Variants in RHOT1 observed in about 807,000 individuals in gnomAD.
RHOT1 encodes the protein ras homolog family member T1, also known as mitochondrial Rho GTPase 1.
In RHOT1, 27 loss-of-function variants were observed where a neutral mutation model predicts 95.3. The observed-to-expected ratio is 0.28, with a 90% CI of 0.21 to 0.39. The LOEUF is 0.39. Among genes scored for constraint, RHOT1 ranks in the 10% least tolerant of loss-of-function variants. RHOT1 has a pLI of 1.00. For missense variants in RHOT1, 578 were observed against 786.7 expected, an observed-to-expected ratio of 0.73 and a Z score of 3.17; for synonymous variants, 227 against 263.5, an observed-to-expected ratio of 0.86 and a Z score of 1.34.
chr17:32,204,751 GCTGAGTCAGGTGGATCAC>G (rs2037583550), intron 16 of RHOT1, among the ~76,000 whole-genome samples: 1 of 151,954 alleles, frequency 6.6e-6, no homozygotes, highest in Non-Finnish European at 1.5e-5. Flanking sequence ...ACTTTGGGAG[GCTGAGTCAGGTGGATCAC>G]CTGAGGTCAG....
chr17:32,175,592 G>C (rs1193470775), intron 4 of RHOT1, among the ~76,000 whole-genome samples: 1 of 152,136 alleles, frequency 6.6e-6, no homozygotes, highest in Non-Finnish European at 1.5e-5. Context: ...AAGTAGCTGG[G>C]ATTACAGGCA....
chr17:32,168,859 T>C (rs777703797), intron 1 of RHOT1, among the ~76,000 whole-genome samples: 5 of 152,108 alleles, frequency 3.3e-5, no homozygotes, highest in Non-Finnish European at 7.4e-5. Flanking sequence ...GATCCCAGAT[T>C]CTTTATCTGA....
In RHOT1 at chr17:32,194,059, T is replaced by G; in HGVS notation, c.821T>G (p.Phe274Cys). ...ACTACTTGGACTGTGCTTCGACGATTTGGTTATGATGATGACCTGGATTTG... is the reference window on the plus strand; with the variant it reads ...ACTACTTGGACTGTGCTTCGACGATGTGGTTATGATGATGACCTGGATTTG... ...HETTWTVLRRFGYDDDLDLTP... is the reference protein window; with the variant it reads ...HETTWTVLRRCGYDDDLDLTP... Residue 274 changes from phenylalanine to cysteine, a missense_variant, in exon 11 of 20, where the codon TTT becomes TGT. Phe to Cys is a radical substitution (Grantham distance 205). Around this residue, in one of 4 missense-constraint regions of RHOT1, gnomAD observed 227 missense variants for 316.0 expected, o/e 0.72. Transcript: ENST00000545287. The G allele has an allele frequency of 6.2e-7, 1 of 1,614,216 alleles. No individual in the cohort carries two copies. Among genetic ancestry groups the G allele is most frequent in the Non-Finnish European group, 8.5e-7 (1 of 1,180,024 alleles).
At chr17:32,220,700 G>A (rs2038777499) in intron 19 of RHOT1, among the ~76,000 whole-genome samples, 1 of 151,630 alleles carries the variant, frequency 6.6e-6, no homozygotes, top group African/African-American at 2.4e-5. Flanking sequence ...GCTGGGCATG[G>A]TGGTGCACGC....
chr17:32,146,225 T>C (rs997712402), intron 1 of RHOT1, among the ~76,000 whole-genome samples: 7 of 152,188 alleles, frequency 4.6e-5, no homozygotes, highest in African/African-American at 1.7e-4. Flanking sequence ...TCCTGTCTCT[T>C]GGGCTAGAAA....
At chr17:32,178,617 C>T (rs1408994408) in intron 6 of RHOT1, among the ~76,000 whole-genome samples, 1 of 152,144 alleles carries the variant, frequency 6.6e-6, no homozygotes, top group Non-Finnish European at 1.5e-5. Flanking sequence ...GCCACCCCGT[C>T]TAGGAAGTGA....
rs754041489 is a variant in RHOT1 at position 32,173,811 on chromosome 17, A to G, written c.97-20A>G. The G allele has an allele frequency of 2.6e-6, 4 of 1,520,952 alleles. No homozygotes were observed. The highest frequency in any genetic ancestry group is 3.9e-5 in the Admixed American group (2 of 51,806). 94.2% of individuals were successfully genotyped at this position (1,520,952 alleles called of 1,614,324 possible). ...TATTCAAAGGTGTTTTTTTTTTTCT[A>G]TATTTGTTTGTAAATGAAGGTTCCT... On this transcript the variant is annotated intron_variant, in intron 2 of 19. Coordinates refer to ENST00000545287, the MANE Select transcript of RHOT1 (RefSeq NM_001033566.3).
chr17:32,184,646 G>A (rs1027986617), intron 8 of RHOT1, among the ~76,000 whole-genome samples: 4 of 151,612 alleles, frequency 2.6e-5, no homozygotes, highest in Non-Finnish European at 4.4e-5. Flanking sequence ...ATTCGCCACC[G>A]TGCCCAGCTG....
intron 11 of RHOT1, among the ~76,000 whole-genome samples, chr17:32,197,664 G>T (rs1017514705): frequency 6.6e-6 from 1 of 152,004 alleles, no homozygotes; most frequent in Non-Finnish European, 1.5e-5. Flanking sequence ...TCTTGACCTC[G>T]TGATCTGCCC....
At chr17:32,156,318 G>A (rs748575114) in intron 1 of RHOT1, among the ~76,000 whole-genome samples, 32 of 152,188 alleles carry the variant, frequency 2.1e-4, no homozygotes, top group Non-Finnish European at 3.1e-4. Context: ...CCAGCTTGGC[G>A]TGCAGTGGTG....
intron 2 of RHOT1, among the ~76,000 whole-genome samples, chr17:32,172,352 C>G (rs999784622): frequency 8.5e-5 from 13 of 152,070 alleles, no homozygotes; most frequent in African/African-American, 3.1e-4. Flanking sequence ...GGTATAACAC[C>G]TAAAAGTTTT....
chr17:32,215,647 A>T (rs1035190486), intron 19 of RHOT1, among the ~76,000 whole-genome samples: 2 of 152,168 alleles, frequency 1.3e-5, no homozygotes, highest in Admixed American at 6.5e-5. Context: ...TAATTTCTGC[A>T]AGTGTTTTTC....
intron 8 of RHOT1, among the ~76,000 whole-genome samples, chr17:32,191,900 T>TAAAC (rs896091126): frequency 6.6e-6 from 1 of 152,158 alleles, no homozygotes; most frequent in African/African-American, 2.4e-5. Context: ...TATAAATAAA[T>TAAAC]AAACAGTTCT....
intron 19 of RHOT1, chr17:32,221,069 A>G: frequency 1.0e-6 from 1 of 984,142 alleles, no homozygotes; most frequent in African/African-American, 1.7e-5. Context: ...GCTTAAGTTT[A>G]GAAATGAGCC....
chr17:32,201,613 A>G (rs543692581), intron 14 of RHOT1, among the ~76,000 whole-genome samples: 1 of 152,328 alleles, frequency 6.6e-6, no homozygotes, highest in Admixed American at 6.5e-5. Flanking sequence ...CCTTTAAAAT[A>G]CTTAACCAAT....
chr17:32,209,914 C>G (rs1415921277), intron 18 of RHOT1, among the ~76,000 whole-genome samples: 2 of 148,868 alleles, frequency 1.3e-5, no homozygotes, highest in African/African-American at 2.5e-5. Context: ...GACTTAGTAG[C>G]AGTGATTTGT....
At chr17:32,199,908 T>TCTG (rs2037181031) in intron 13 of RHOT1, among the ~76,000 whole-genome samples, 2 of 151,944 alleles carry the variant, frequency 1.3e-5, no homozygotes, top group African/African-American at 4.8e-5. Flanking sequence ...CACTGAAGAT[T>TCTG]CTGTTTTTTT....
intron 6 of RHOT1, among the ~76,000 whole-genome samples, chr17:32,177,785 T>G (rs1162667249): frequency 7.5e-5 from 11 of 147,550 alleles, no homozygotes; most frequent in Non-Finnish European, 1.5e-4. Context: ...CCATCGAGCC[T>G]GCAGATGGCT....
intron 8 of RHOT1, among the ~76,000 whole-genome samples, chr17:32,189,670 C>G (rs956889901): frequency 6.6e-6 from 1 of 151,902 alleles, no homozygotes; most frequent in Non-Finnish European, 1.5e-5. Context: ...TACACAAGTG[C>G]AAACTTTAAA....
Sources: gnomAD v4.1 joint callset for allele counts (sites outside exome capture counted in the v4.1 genomes callset) on GRCh38, gnomAD v4.1.1 for gene constraint, gnomAD v4.1.1 regional missense constraint, MANE v1.5 for transcripts, NCBI Gene and HGNC (gene_info 2026-07-23, HGNC 2026-07-21) for gene names.